The following DAG1 variants were observed in gnomAD, a reference collection of about 807,000 sequenced individuals.
DAG1 encodes the protein dystroglycan 1.
Under a neutral mutation model 46.1 loss-of-function variants are expected in DAG1, and 8 were observed. The ratio of observed to expected loss-of-function variants is 0.17; its 90% CI spans 0.10 to 0.31. The LOEUF is 0.31. Ranked by LOEUF, DAG1 falls within the 10% of genes least tolerant of loss-of-function variation. The pLI is 1.00. For missense variants in DAG1, 1,003 were observed against 1,189.9 expected (o/e 0.84, Z 2.31); for synonymous variants, 495 against 481.8 (o/e 1.03, Z -0.36).
At chr3:49,528,274 GATTT>G (rs1324754583) in intron 2 of DAG1, among the ~76,000 whole-genome samples, 9 of 60,356 alleles carry the variant, frequency 1.5e-4, no homozygotes, top group Non-Finnish European at 2.8e-4. Context: ...GAAATAGTGT[GATTT>G]TTTTTTTTTT....
At chr3:49,503,764 G>C (rs1298961311) in intron 1 of DAG1, among the ~76,000 whole-genome samples, 1 of 151,606 alleles carries the variant, frequency 6.6e-6, no homozygotes, top group Non-Finnish European at 1.5e-5. Context: ...GGAGGTCGAG[G>C]CTGCAGTGAG....
intron 1 of DAG1, among the ~76,000 whole-genome samples, chr3:49,482,910 G>T (rs940623134): frequency 7.2e-5 from 11 of 152,160 alleles, no homozygotes; most frequent in African/African-American, 2.7e-4. Flanking sequence ...TCCCAAGGCT[G>T]TCTAGGGCAG....
At chr3:49,475,158 G>T (rs963090089) in intron 1 of DAG1, among the ~76,000 whole-genome samples, 1 of 149,492 alleles carries the variant, frequency 6.7e-6, no homozygotes, top group Non-Finnish European at 1.5e-5. Context: ...AGATTCGAGT[G>T]CAATGGTGCG....
At chr3:49,478,608 G>A (rs554164502) in intron 1 of DAG1, among the ~76,000 whole-genome samples, 1 of 145,090 alleles carries the variant, frequency 6.9e-6, no homozygotes, top group South Asian at 2.2e-4. Context: ...GAACTGCTGA[G>A]CTTAAGCGAT....
At chr3:49,502,046 C>T (rs2050467420) in intron 1 of DAG1, among the ~76,000 whole-genome samples, 1 of 152,096 alleles carries the variant, frequency 6.6e-6, no homozygotes, top group African/African-American at 2.4e-5. Flanking sequence ...TGGTGGCGCA[C>T]ACCTGTAGTT....
chr3:49,487,623 G>A (rs1236482822), intron 1 of DAG1, among the ~76,000 whole-genome samples: 1 of 151,776 alleles, frequency 6.6e-6, no homozygotes, highest in African/African-American at 2.4e-5. Context: ...ATACCTGGGA[G>A]GAAACCACAT....
At position 49,533,262 on chromosome 3, in the gene DAG1, G is replaced by A. The variant is rs2051420113; in HGVS notation, c.*63G>A. The A allele has an allele frequency of 3.8e-6, 6 of 1,592,342 alleles. No individual in the cohort carries two copies. The highest frequency in any genetic ancestry group is 1.7e-4 in the Middle Eastern group (1 of 6,050). Reference sequence around the variant, plus strand: ...GCCTGGAGACGACATGGTGTTGTCTGTGGAGACCGGTGGCCTGCAGACCAT... The same window carrying A: ...GCCTGGAGACGACATGGTGTTGTCTATGGAGACCGGTGGCCTGCAGACCAT... On this transcript the variant is annotated 3_prime_UTR_variant, in exon 3 of 3. Coordinates refer to ENST00000308775, the MANE Select transcript of DAG1 (RefSeq NM_004393.6).
At position 49,474,420 on chromosome 3, in the gene DAG1, A is replaced by G. The variant is rs2049618754; in HGVS notation, c.-117+3987A>G. Among the ~76,000 whole-genome samples, 2 of 151,876 alleles carry G rather than the reference A, an allele frequency of 1.3e-5. 1 individual carries two copies. The highest frequency in any genetic ancestry group is 2.9e-5 in the Non-Finnish European group (2 of 67,994). ...GAGTGAAGTGGTGCGATCTTGGCTC[A>G]CTGCAACCTCTGCCCCTTGGGTTCA... On this transcript the variant is annotated intron_variant, in intron 1 of 2. Coordinates refer to ENST00000308775, the MANE Select transcript of DAG1 (RefSeq NM_004393.6).
At chr3:49,507,763 T>C (rs2050646787) in intron 1 of DAG1, among the ~76,000 whole-genome samples, 2 of 152,192 alleles carry the variant, frequency 1.3e-5, no homozygotes, top group East Asian at 1.9e-4. Flanking sequence ...ACTGCTGGGC[T>C]CAAGCCAACC....
chr3:49,525,228 A>G (rs1444096347), intron 2 of DAG1, among the ~76,000 whole-genome samples: 1 of 152,182 alleles, frequency 6.6e-6, no homozygotes, highest in African/African-American at 2.4e-5. Flanking sequence ...CTGTAGATCT[A>G]GACACCTGTC....
At chr3:49,512,854 C>T (rs546407211) in intron 2 of DAG1, among the ~76,000 whole-genome samples, 1 of 152,046 alleles carries the variant, frequency 6.6e-6, no homozygotes, top group South Asian at 2.1e-4. Flanking sequence ...TAGGGTCTTA[C>T]TCTGTCTGCC....
chr3:49,479,995 G>C (rs1216923630), intron 1 of DAG1, among the ~76,000 whole-genome samples: 1 of 143,636 alleles, frequency 7.0e-6, no homozygotes, highest in African/African-American at 2.6e-5. Context: ...TGTCACCCAG[G>C]CTGGAGTGCA....
At chr3:49,507,368 G>A (rs983883167) in intron 1 of DAG1, among the ~76,000 whole-genome samples, 4 of 152,112 alleles carry the variant, frequency 2.6e-5, no homozygotes, top group African/African-American at 9.7e-5. Flanking sequence ...TTCAAGACCA[G>A]CCTGGTCAAC....
chr3:49,476,316 G>A (rs1221856745), intron 1 of DAG1, among the ~76,000 whole-genome samples: 1 of 152,108 alleles, frequency 6.6e-6, no homozygotes, highest in Non-Finnish European at 1.5e-5. Context: ...TGGGCTGGGC[G>A]CAGTGGCTCA....
intron 2 of DAG1, among the ~76,000 whole-genome samples, chr3:49,526,214 G>A (rs1232129774): frequency 6.6e-6 from 1 of 152,102 alleles, no homozygotes; most frequent in Non-Finnish European, 1.5e-5. Context: ...TAGGGGGGTG[G>A]TACTAAACGA....
intron 1 of DAG1, among the ~76,000 whole-genome samples, chr3:49,485,723 A>G (rs143140493): frequency 7.3e-6 from 1 of 137,282 alleles, no homozygotes; most frequent in African/African-American, 2.8e-5. Context: ...GTGCAGTGGC[A>G]TGATCATGGC....
intron 1 of DAG1, among the ~76,000 whole-genome samples, chr3:49,478,156 ACCT>A (rs2049740627): frequency 6.6e-6 from 1 of 150,922 alleles, no homozygotes. Context: ...AATCCCAGCT[ACCT>A]GGGAGGCTGA....
At chr3:49,516,826 G>C (rs1575394350) in intron 2 of DAG1, among the ~76,000 whole-genome samples, 1 of 152,086 alleles carries the variant, frequency 6.6e-6, no homozygotes, top group Non-Finnish European at 1.5e-5. Context: ...TCAGATCTGG[G>C]TGCTAGGTGA....
intron 2 of DAG1, among the ~76,000 whole-genome samples, chr3:49,528,725 T>TA (rs1407417363): frequency 2.6e-5 from 4 of 152,184 alleles, no homozygotes; most frequent in Admixed American, 2.6e-4. Flanking sequence ...GGGAGATTCT[T>TA]AATTAGATGA....
Sources: allele counts gnomAD v4.1 joint callset (sites outside exome capture counted in the v4.1 genomes callset), GRCh38; gene constraint gnomAD v4.1.1; transcripts MANE v1.5; gene names NCBI Gene and HGNC (gene_info 2026-07-23, HGNC 2026-07-21).